Variants in MACROD2 observed in about 807,000 individuals in gnomAD.
MACROD2 encodes ADP-ribose glycohydrolase MACROD2.
MACROD2 carries 36 observed loss-of-function variants against 70.4 expected under a neutral mutation model. That is an observed-to-expected ratio of 0.51 (90% confidence interval 0.39 to 0.68). The LOEUF is 0.68. Among genes scored for constraint, MACROD2 ranks in the 30% least tolerant of loss-of-function variants. The pLI is 0.00. For missense variants in MACROD2, 496 were observed against 538.4 expected (o/e 0.92, Z 0.78); for synonymous variants, 172 against 178.8 (o/e 0.96, Z 0.30).
At chr20:15,441,411 G>A (rs2046493437) in intron 7 of MACROD2, among the ~76,000 whole-genome samples, 1 of 151,998 alleles carries the variant, frequency 6.6e-6, no homozygotes, top group Admixed American at 6.6e-5. Flanking sequence ...TTCCTCTAGG[G>A]GACCTGACAA....
intron 5 of MACROD2, among the ~76,000 whole-genome samples, chr20:14,768,459 C>G (rs1048012900): frequency 1.3e-5 from 2 of 152,070 alleles, no homozygotes; most frequent in African/African-American, 4.8e-5. Flanking sequence ...ATCTTAAAGA[C>G]CCAGCCAGAT....
At chr20:15,771,754 A>G (rs1322925542) in intron 8 of MACROD2, among the ~76,000 whole-genome samples, 1 of 151,956 alleles carries the variant, frequency 6.6e-6, no homozygotes, top group African/African-American at 2.4e-5. Context: ...TTGTTTACCA[A>G]TATATGACCC....
chr20:15,078,074 G>A (rs928548742), intron 5 of MACROD2, among the ~76,000 whole-genome samples: 1 of 152,090 alleles, frequency 6.6e-6, no homozygotes, highest in Non-Finnish European at 1.5e-5. Context: ...ACTAATTATG[G>A]AACATTCCAG....
At chr20:15,138,041 A>C (rs566154181) in intron 5 of MACROD2, among the ~76,000 whole-genome samples, 1 of 152,146 alleles carries the variant, frequency 6.6e-6, no homozygotes, top group Non-Finnish European at 1.5e-5. Flanking sequence ...TTGACTGACA[A>C]TATCAATCAG....
intron 15 of MACROD2, among the ~76,000 whole-genome samples, chr20:15,996,176 C>T (rs987079696): frequency 2.0e-5 from 3 of 152,066 alleles, no homozygotes; most frequent in Admixed American, 2.0e-4. Context: ...TTAGTTCTTT[C>T]TTGCCTTTTT....
intron 5 of MACROD2, among the ~76,000 whole-genome samples, chr20:15,046,284 C>G (rs976816736): frequency 2.0e-5 from 3 of 152,160 alleles, no homozygotes; most frequent in Admixed American, 6.5e-5. Flanking sequence ...AACCTTCCCA[C>G]ATGATGACTT....
At chr20:15,049,299 A>G (rs1329363006) in intron 5 of MACROD2, among the ~76,000 whole-genome samples, 2 of 152,008 alleles carry the variant, frequency 1.3e-5, no homozygotes, top group Non-Finnish European at 2.9e-5. Flanking sequence ...AAGAGGGAGA[A>G]GAAGAAAGAG....
intron 5 of MACROD2, among the ~76,000 whole-genome samples, chr20:14,915,285 G>T (rs2074077995): frequency 6.6e-6 from 1 of 152,180 alleles, no homozygotes; most frequent in South Asian, 2.1e-4. Context: ...AATCAGCATA[G>T]ACTTTAATGG....
Position 15,794,686 on chromosome 20 carries a change from G to A in MACROD2, c.646-68059G>A, listed in dbSNP as rs573876082. On this transcript the variant is annotated intron_variant, in intron 8 of 17. Coordinates refer to ENST00000684519, the MANE Select transcript of MACROD2 (RefSeq NM_001351661.2). ...GAACAAGGTTAATACTCGGAATCAC[G>A]GTCAGGAGCAAATTGATTGCAAGTG... Among the ~76,000 whole-genome samples the A allele has an allele frequency of 5.9e-5, 9 of 152,272 alleles. No homozygotes were observed. The South Asian group carries it at 1.4e-3, about 25-fold the overall frequency.
At chr20:14,400,271 C>A (rs2083624148) in intron 3 of MACROD2, among the ~76,000 whole-genome samples, 1 of 152,114 alleles carries the variant, frequency 6.6e-6, no homozygotes, top group Non-Finnish European at 1.5e-5. Flanking sequence ...AGTACCAGAG[C>A]AGATTTTATT....
At position 15,191,018 on chromosome 20, in the gene MACROD2, C is replaced by T. The variant is rs146770920; in HGVS notation, c.419-38922C>T. On this transcript the variant is annotated intron_variant, in intron 5 of 17. Transcript: ENST00000684519. ...GCCATCCCTCCTTGGTCAGCAAGGC[C>T]GCAGTGCCAAATTATCAAAAATATA... Among the ~76,000 whole-genome samples the T allele has an allele frequency of 3.7e-3, 558 of 152,244 alleles. 1 individual carries two copies. Among genetic ancestry groups the T allele is most frequent in the Non-Finnish European group, 5.8e-3 (392 of 68,010 alleles).
chr20:16,034,482 G>T (rs977757237), intron 15 of MACROD2, among the ~76,000 whole-genome samples: 1 of 151,870 alleles, frequency 6.6e-6, no homozygotes, highest in East Asian at 1.9e-4. Flanking sequence ...ACATAAATTC[G>T]TGTCTGTGCA....
At chr20:14,389,220 G>A (rs1325103606) in intron 3 of MACROD2, among the ~76,000 whole-genome samples, 2 of 151,524 alleles carry the variant, frequency 1.3e-5, no homozygotes, top group Non-Finnish European at 2.9e-5. Context: ...TAAAGAGATA[G>A]AGACCAGCGT....
intron 4 of MACROD2, among the ~76,000 whole-genome samples, chr20:14,537,122 A>G (rs1017657328): frequency 6.6e-6 from 1 of 152,116 alleles, no homozygotes; most frequent in African/African-American, 2.4e-5. Flanking sequence ...TCACTGGGAT[A>G]GTGGTTGGAA....
At chr20:14,457,068 GTA>G (rs1473358164) in intron 3 of MACROD2, among the ~76,000 whole-genome samples, 1 of 151,950 alleles carries the variant, frequency 6.6e-6, no homozygotes, top group Non-Finnish European at 1.5e-5. Context: ...GTTACTCGCA[GTA>G]TTCTAAGACC....
chr20:15,320,824 G>C (rs1398668412), intron 6 of MACROD2, among the ~76,000 whole-genome samples: 2 of 152,116 alleles, frequency 1.3e-5, no homozygotes, highest in East Asian at 3.9e-4. Flanking sequence ...TTATGAGATG[G>C]TACTGGATAA....
chr20:15,199,007 C>CTTTTTTTTTTTTTT (rs11477634), intron 5 of MACROD2, among the ~76,000 whole-genome samples: 1 of 118,628 alleles, frequency 8.4e-6, no homozygotes, highest in Non-Finnish European at 1.7e-5. Flanking sequence ...ATCTGGACTT[C>CTTTTTTTTTTTTTT]TTTTTTTTTT....
intron 8 of MACROD2, among the ~76,000 whole-genome samples, chr20:15,563,332 T>C (rs2048269790): frequency 6.6e-6 from 1 of 152,186 alleles, no homozygotes. Context: ...CTAAAGCCTC[T>C]TTTTCTCTGT....
chr20:14,543,646 G>T (rs1241845494), intron 4 of MACROD2, among the ~76,000 whole-genome samples: 1 of 152,130 alleles, frequency 6.6e-6, no homozygotes, highest in Non-Finnish European at 1.5e-5. Flanking sequence ...TAACTTAATT[G>T]TAAATGCAGA....
Sources: allele counts gnomAD v4.1 joint callset (sites outside exome capture counted in the v4.1 genomes callset), GRCh38; gene constraint gnomAD v4.1.1; transcripts MANE v1.5; gene names NCBI Gene and HGNC (gene_info 2026-07-23, HGNC 2026-07-21).